ARID4A: variants seen among roughly 807,000 people sequenced by gnomAD.
The protein encoded by ARID4A is AT-rich interactive domain-containing protein 4A.
Under a neutral mutation model 148.6 loss-of-function variants are expected in ARID4A, and 39 were observed. The ratio of observed to expected loss-of-function variants is 0.26; its 90% CI spans 0.20 to 0.34. The LOEUF (loss-of-function observed/expected upper bound fraction) is 0.34. ARID4A is among the 10% of genes least tolerant of loss of function. The probability of loss-of-function intolerance (pLI) is 1.00; values close to 1 mark genes in which losing one functional copy is unlikely to be tolerated. For synonymous variants in ARID4A, 475 were observed against 481.2 expected, an observed-to-expected ratio of 0.99 and a Z score of 0.17; for missense variants, 1,265 against 1,449.1, an observed-to-expected ratio of 0.87 and a Z score of 2.06.
At chr14:58,329,365 C>G (rs1342879317) in intron 9 of ARID4A, among the ~76,000 whole-genome samples, 163 bp from the exon 10 acceptor site, 1 of 152,116 alleles carries the variant, frequency 6.6e-6, no homozygotes, top group Non-Finnish European at 1.5e-5. Flanking sequence ...CTAACTTTGC[C>G]CGTATTTCCT....
intron 3 of ARID4A, 54 bp downstream of exon 3, chr14:58,301,744 G>T (rs2031187450): frequency 2.9e-6 from 4 of 1,358,858 alleles, no homozygotes; most frequent in Middle Eastern, 1.8e-4. Context: ...AAGAAATTTG[G>T]GGAGAGAGAG....
chr14:58,317,349 A>G (rs892911877), intron 5 of ARID4A, among the ~76,000 whole-genome samples: 3 of 145,206 alleles, frequency 2.1e-5, no homozygotes, highest in Admixed American at 1.4e-4. Flanking sequence ...CAGTGGTGCA[A>G]TCTCGGCTCA....
At chr14:58,300,556 A>T (rs2031067010) in intron 2 of ARID4A, among the ~76,000 whole-genome samples, 1 of 152,182 alleles carries the variant, frequency 6.6e-6, no homozygotes, top group Non-Finnish European at 1.5e-5. Flanking sequence ...TTTAAAAGGT[A>T]CCCAATTCCT....
At chr14:58,299,947 TA>T in intron 2 of ARID4A, 87 bp downstream of exon 2, 3 of 1,578,152 alleles carry the variant, frequency 1.9e-6, no homozygotes, top group South Asian at 1.1e-5. Flanking sequence ...TTTGTTTTGC[TA>T]CTCAAAATTG....
intron 5 of ARID4A, among the ~76,000 whole-genome samples, chr14:58,310,543 G>A (rs1052781995): frequency 3.3e-5 from 5 of 152,092 alleles, no homozygotes; most frequent in Admixed American, 6.5e-5. Flanking sequence ...TTCGTAAATG[G>A]TGTTGGGAAA....
intron 5 of ARID4A, among the ~76,000 whole-genome samples, chr14:58,313,917 G>C (rs2032229870): frequency 6.6e-6 from 1 of 150,942 alleles, no homozygotes; most frequent in Non-Finnish European, 1.5e-5. Flanking sequence ...CCCACAGTGA[G>C]AGTGAATCTT....
In ARID4A at chr14:58,360,959, G is replaced by A; in HGVS notation, c.1997G>A (p.Arg666Gln). 6.2e-7 allele frequency: 1 copy of A among 1,614,062 alleles called. No homozygotes were observed. Among genetic ancestry groups the A allele is most frequent in the Non-Finnish European group, 8.5e-7 (1 of 1,180,002 alleles). Residue 666 changes from arginine (R) to glutamine (Q), a missense_variant, in exon 19 of 24, where the codon CGG becomes CAG. Coordinates refer to ENST00000355431, the MANE Select transcript of ARID4A (RefSeq NM_002892.4). ...KRDEERQKSK[R>Q]GRPPLKSTLS... ...GATGAGGAGAGGCAGAAGTCAAAAC[G>A]GGGACGACCTCCTTTAAAATCAACC...
chr14:58,340,764 C>T (rs1376094524), intron 11 of ARID4A, among the ~76,000 whole-genome samples: 4 of 152,140 alleles, frequency 2.6e-5, no homozygotes. Context: ...GGATTACAGG[C>T]GTGAGCCACC....
At position 58,366,234 on chromosome 14, in the gene ARID4A, AG is replaced by A; in HGVS notation, c.3523+5del. 6.2e-7 allele frequency: 1 copy of A among 1,603,462 alleles called. No homozygotes were observed. Among genetic ancestry groups the A allele is most frequent in the South Asian group, 1.1e-5 (1 of 90,672 alleles). On this transcript the variant is annotated splice_donor_5th_base_variant and intron_variant, in intron 22 of 23. Coordinates refer to ENST00000355431, the MANE Select transcript of ARID4A (RefSeq NM_002892.4). ...TATAAATGGAGCTTTCAGCTCAGTA[AG>A]AAGCTTATAGAAAACTTGATAGATG... is the stretch of plus-strand genomic sequence containing the variant.
rs61974495 is a variant in ARID4A, at chr14:58,344,258, A to G, written c.907-437A>G. ...ATCCCTGGTTTATATTCATCTGGCA[A>G]TAACAAAAACTATGTTTATATGAAA... On this transcript the variant is annotated intron_variant, in intron 11 of 23. Coordinates refer to ENST00000355431, the MANE Select transcript of ARID4A (RefSeq NM_002892.4). 3.4e-3 allele frequency among the ~76,000 whole-genome samples: 523 copies of G among 152,298 alleles called. 1 individual carries two copies. The highest frequency in any genetic ancestry group is 6.5e-3 in the Non-Finnish European group (440 of 68,016).
At chr14:58,323,709 T>G in intron 8 of ARID4A, 92 bp downstream of exon 8, 1 of 1,214,642 alleles carries the variant, frequency 8.2e-7, no homozygotes, top group Non-Finnish European at 1.2e-6. Context: ...TTTGAAAGTA[T>G]TAAACAAATT....
chr14:58,352,258 A>G (rs2034671279), intron 16 of ARID4A, among the ~76,000 whole-genome samples: 2 of 152,320 alleles, frequency 1.3e-5, no homozygotes, highest in South Asian at 4.1e-4. Context: ...ATTAAATACA[A>G]ATAGGCACAG....
intron 8 of ARID4A, among the ~76,000 whole-genome samples, chr14:58,325,053 G>A (rs2033136665): frequency 6.6e-6 from 1 of 152,102 alleles, no homozygotes; most frequent in South Asian, 2.1e-4. Flanking sequence ...TTTTGGATGG[G>A]TTGGTAGAGA....
chr14:58,370,901 A>G (rs2035581735), intron 23 of ARID4A, among the ~76,000 whole-genome samples: 1 of 152,308 alleles, frequency 6.6e-6, no homozygotes, highest in South Asian at 2.1e-4. Flanking sequence ...ATGAGCCAAC[A>G]TGCCCAGCTT....
At chr14:58,335,633 T>G (rs1305255477) in intron 11 of ARID4A, among the ~76,000 whole-genome samples, 1 of 152,144 alleles carries the variant, frequency 6.6e-6, no homozygotes, top group Non-Finnish European at 1.5e-5. Flanking sequence ...TCTTAACTTG[T>G]ACGTACTCAG....
chr14:58,304,490 A>G (rs577400475), intron 3 of ARID4A, among the ~76,000 whole-genome samples: 5 of 152,190 alleles, frequency 3.3e-5, no homozygotes, highest in Non-Finnish European at 7.3e-5. Context: ...GTATCAGTGC[A>G]TATTACGATT....
intron 18 of ARID4A, among the ~76,000 whole-genome samples, chr14:58,359,957 T>C (rs1048034426): frequency 6.6e-6 from 1 of 151,790 alleles, no homozygotes; most frequent in African/African-American, 2.4e-5. Flanking sequence ...TCCCAGCTAC[T>C]CGGGAGGCTG....
At chr14:58,326,351 G>A (rs1456207250) in intron 8 of ARID4A, among the ~76,000 whole-genome samples, 1 of 152,116 alleles carries the variant, frequency 6.6e-6, no homozygotes, top group Non-Finnish European at 1.5e-5. Flanking sequence ...GCAGGAGAAT[G>A]GCATGAACCC....
At chr14:58,344,668 A>G in intron 11 of ARID4A, 27 bp from the exon 12 acceptor site, 13 of 1,522,816 alleles carry the variant, frequency 8.5e-6, no homozygotes, top group Non-Finnish European at 1.2e-5. Flanking sequence ...TCACTGTGCC[A>G]TACATTTATA....
Sources: gnomAD v4.1 joint callset for allele counts (sites outside exome capture counted in the v4.1 genomes callset) on GRCh38, gnomAD v4.1.1 for gene constraint, MANE v1.5 for transcripts, NCBI Gene and HGNC (gene_info 2026-07-23, HGNC 2026-07-21) for gene names.